The following SGPL1 variants were observed in gnomAD, a reference collection of about 807,000 sequenced individuals.
The protein encoded by SGPL1 is SP-lyase 1.
Under a neutral mutation model 68.9 loss-of-function variants are expected in SGPL1, and 37 were observed. That is an observed-to-expected ratio of 0.54 (90% CI 0.41 to 0.71). The LOEUF is 0.71. Ranked by LOEUF, SGPL1 falls within the 30% of genes least tolerant of loss-of-function variation. The probability of loss-of-function intolerance (pLI) is 0.00; values close to 1 mark genes in which losing one functional copy is unlikely to be tolerated. For missense variants in SGPL1, 551 were observed against 704.6 expected (o/e 0.78, Z 2.47); for synonymous variants, 236 against 248.5 (o/e 0.95, Z 0.47).
chr10:70,862,080 G>A (rs7074598), intron 7 of SGPL1, among the ~76,000 whole-genome samples: 2 of 150,292 alleles, frequency 1.3e-5, no homozygotes, highest in East Asian at 1.9e-4. Context: ...AGCTCCACCC[G>A]CAGCCCCGGT....
intron 4 of SGPL1, among the ~76,000 whole-genome samples, chr10:70,852,206 C>A (rs1049961568): frequency 6.6e-6 from 1 of 152,174 alleles, no homozygotes; most frequent in African/African-American, 2.4e-5. Context: ...CCTGGCTATA[C>A]CAGGGTTTGT....
chr10:70,857,728 G>C, intron 6 of SGPL1, 38 bp downstream of exon 6: 2 of 1,425,878 alleles, frequency 1.4e-6, no homozygotes, highest in Non-Finnish European at 1.9e-6. Context: ...TGTGAGGTCT[G>C]TGCCAGTTTA....
In SGPL1 at chr10:70,839,862, G is replaced by A. The variant is rs138114261; in HGVS notation, c.28-4611G>A. ...ATTGGAAGAAGAATAATTGTCTTGGGCCACACATAAAATATACTAATGATA... is the reference window on the plus strand; with the variant it reads ...ATTGGAAGAAGAATAATTGTCTTGGACCACACATAAAATATACTAATGATA... On this transcript the variant is annotated intron_variant, in intron 2 of 14. Transcript: ENST00000373202. Among the ~76,000 whole-genome samples the A allele has an allele frequency of 8.9e-3, 1,353 of 151,314 alleles. 32 individuals are homozygous for A. The highest frequency in any genetic ancestry group is 0.031 in the African/African-American group (1,286 of 41,184).
At chr10:70,845,605 G>T (rs962601998) in intron 3 of SGPL1, among the ~76,000 whole-genome samples, 1 of 139,608 alleles carries the variant, frequency 7.2e-6, no homozygotes, top group African/African-American at 2.5e-5. Context: ...TTAGGATTAA[G>T]CCCCTCTCCT....
intron 3 of SGPL1, among the ~76,000 whole-genome samples, chr10:70,845,969 C>T (rs1015779046): frequency 2.0e-5 from 3 of 152,156 alleles, no homozygotes; most frequent in Non-Finnish European, 4.4e-5. Flanking sequence ...ATTTAGAAGC[C>T]AGATTCCATT....
At chr10:70,834,686 G>T (rs1156900669) in intron 2 of SGPL1, among the ~76,000 whole-genome samples, 1 of 152,192 alleles carries the variant, frequency 6.6e-6, no homozygotes. Flanking sequence ...TCATCTGGAA[G>T]TTCTGTATGC....
Position 70,872,117 on chromosome 10 carries a change from C to G in SGPL1, c.1059+131C>G, listed in dbSNP as rs1350394473. ...TCATCAGATGCTTGTTTTAAACTCT[C>G]TCTTTGCCGTCACCAGATCAGCTGG... On this transcript the variant is annotated intron_variant, in intron 11 of 14. Coordinates refer to ENST00000373202, the MANE Select transcript of SGPL1 (RefSeq NM_003901.4). 4.4e-6 allele frequency: 4 copies of G among 913,850 alleles called. No individual in the cohort carries two copies. The South Asian group carries it at 5.8e-5, about 13-fold the overall frequency. 56.6% of individuals were successfully genotyped at this position (913,850 alleles called of 1,614,324 possible).
chr10:70,855,228 T>TA (rs1845945471), intron 5 of SGPL1, among the ~76,000 whole-genome samples: 1 of 152,248 alleles, frequency 6.6e-6, no homozygotes. Flanking sequence ...ATAATTCCAC[T>TA]ATCAAAGATA....
At chr10:70,839,119 G>C (rs941118482) in intron 2 of SGPL1, among the ~76,000 whole-genome samples, 1 of 152,116 alleles carries the variant, frequency 6.6e-6, no homozygotes, top group Admixed American at 6.5e-5. Flanking sequence ...TTTGTCTAAC[G>C]ATTAGGATTA....
At chr10:70,852,743 T>C (rs1036724823) in intron 4 of SGPL1, among the ~76,000 whole-genome samples, 3 of 152,036 alleles carry the variant, frequency 2.0e-5, no homozygotes, top group Admixed American at 6.5e-5. Context: ...CGCACGCGTG[T>C]GTGTATACCT....
chr10:70,862,091 G>A (rs572169121), intron 7 of SGPL1, among the ~76,000 whole-genome samples: 4 of 151,480 alleles, frequency 2.6e-5, no homozygotes, highest in Non-Finnish European at 5.9e-5. Flanking sequence ...CAGCCCCGGT[G>A]CGGGATCCAC....
chr10:70,823,283 C>T (rs1008320386), intron 2 of SGPL1, among the ~76,000 whole-genome samples: 5 of 151,168 alleles, frequency 3.3e-5, no homozygotes, highest in African/African-American at 9.7e-5. Context: ...AATAATCACA[C>T]CACATTAAAT....
chr10:70,844,424 CT>C (rs1845759684), intron 2 of SGPL1, 48 bp from the exon 3 acceptor site: 6 of 1,550,098 alleles, frequency 3.9e-6, no homozygotes, highest in Non-Finnish European at 5.3e-6. Flanking sequence ...GAACAGACTT[CT>C]TTTCTCTCTC....
chr10:70,818,512 A>G (rs1209868696), intron 2 of SGPL1, among the ~76,000 whole-genome samples: 3 of 152,154 alleles, frequency 2.0e-5, no homozygotes, highest in African/African-American at 7.2e-5. Flanking sequence ...TTATCTCACT[A>G]TCCCAGAGGG....
intron 9 of SGPL1, 62 bp from the exon 10 acceptor site, chr10:70,870,986 A>G (rs1378026172): frequency 7.0e-7 from 1 of 1,430,012 alleles, no homozygotes; most frequent in African/African-American, 1.4e-5. Context: ...TGCTCTTGGC[A>G]GCAGAAGAGA....
At chr10:70,863,830 C>T (rs1249049258) in intron 7 of SGPL1, among the ~76,000 whole-genome samples, 1 of 152,182 alleles carries the variant, frequency 6.6e-6, no homozygotes, top group Non-Finnish European at 1.5e-5. Flanking sequence ...TTCTTGTACA[C>T]TGTAGAGTGT....
chr10:70,838,582 T>C (rs1845665376), intron 2 of SGPL1, among the ~76,000 whole-genome samples: 1 of 152,218 alleles, frequency 6.6e-6, no homozygotes, highest in Admixed American at 6.5e-5. Context: ...ACTGAGATTG[T>C]GTAGAGTGGA....
chr10:70,867,781 TTCACTTAA>T (rs199999802), intron 7 of SGPL1, among the ~76,000 whole-genome samples: 6,047 of 152,292 alleles, frequency 0.04, 184 homozygotes, highest in Non-Finnish European at 0.06. Flanking sequence ...AACATTTCAC[TTCACTTAA>T]AAAAAATTAG....
At chr10:70,840,939 T>G (rs995094280) in intron 2 of SGPL1, among the ~76,000 whole-genome samples, 1 of 152,186 alleles carries the variant, frequency 6.6e-6, no homozygotes, top group African/African-American at 2.4e-5. Context: ...CTTTTGACAT[T>G]GGTAACTTCT....
Sources: allele counts gnomAD v4.1 joint callset (sites outside exome capture counted in the v4.1 genomes callset), GRCh38; gene constraint gnomAD v4.1.1; transcripts MANE v1.5; gene names NCBI Gene and HGNC (gene_info 2026-07-23, HGNC 2026-07-21).